Variants in AFF3 observed in about 807,000 individuals in gnomAD.
The protein encoded by AFF3 is ALF transcription elongation factor 3.
A neutral mutation model predicts 129.7 loss-of-function variants in AFF3; 32 were observed. That is an observed-to-expected ratio of 0.25 (90% CI 0.19 to 0.33). The LOEUF (loss-of-function observed/expected upper bound fraction) is 0.33. AFF3 is among the 10% of genes least tolerant of loss of function. The probability of loss-of-function intolerance (pLI) is 1.00; values close to 1 mark genes in which losing one functional copy is unlikely to be tolerated. For synonymous variants in AFF3, 644 were observed against 635.4 expected (o/e 1.01, Z -0.20); for missense variants, 1,373 against 1,592.0 (o/e 0.86, Z 2.34).
At chr2:99,574,375 G>A (rs1479409488) in intron 18 of AFF3, among the ~76,000 whole-genome samples, 1 of 152,186 alleles carries the variant, frequency 6.6e-6, no homozygotes, top group Non-Finnish European at 1.5e-5. Context: ...TCTCAGTTCT[G>A]TCTGTATCCC....
intron 4 of AFF3, among the ~76,000 whole-genome samples, chr2:100,057,436 A>C (rs1686895100): frequency 6.6e-6 from 1 of 152,096 alleles, no homozygotes; most frequent in Non-Finnish European, 1.5e-5. Context: ...CTCTCAGCTC[A>C]ACTCACTGGA....
chr2:99,660,669 T>G (rs576185676), intron 12 of AFF3, among the ~76,000 whole-genome samples: 1 of 152,360 alleles, frequency 6.6e-6, no homozygotes, highest in African/African-American at 2.4e-5. Flanking sequence ...ATAATGTGAA[T>G]CAGATCTCTC....
intron 7 of AFF3, among the ~76,000 whole-genome samples, chr2:99,941,645 TG>T (rs945770617): frequency 1.3e-4 from 20 of 152,236 alleles, no homozygotes; most frequent in African/African-American, 4.8e-4. Context: ...AAGCTCTATC[TG>T]GGGGCTTCTT....
At chr2:99,643,304 C>T (rs540074463) in intron 13 of AFF3, among the ~76,000 whole-genome samples, 203 of 152,126 alleles carry the variant, frequency 1.3e-3, no homozygotes, top group African/African-American at 4.6e-3. Context: ...GTGATCCGCC[C>T]GCCTTGGCCT....
intron 12 of AFF3, among the ~76,000 whole-genome samples, chr2:99,662,046 A>G (rs1313209375): frequency 6.6e-6 from 1 of 152,134 alleles, no homozygotes; most frequent in Non-Finnish European, 1.5e-5. Flanking sequence ...AGGCTGAGGC[A>G]GGAGAATCGC....
chr2:99,809,662 C>G (rs1019958560), intron 8 of AFF3, among the ~76,000 whole-genome samples: 4 of 152,080 alleles, frequency 2.6e-5, no homozygotes, highest in African/African-American at 9.7e-5. Flanking sequence ...CCATGGAGCA[C>G]AAGTAAGGAG....
At chr2:99,587,024 G>A in intron 16 of AFF3, 130 bp downstream of exon 16, 1 of 1,260,374 alleles carries the variant, frequency 7.9e-7, no homozygotes, top group South Asian at 1.4e-5. Flanking sequence ...TGGGTTAAAG[G>A]AGGGAAGCAA....
intron 8 of AFF3, among the ~76,000 whole-genome samples, chr2:99,822,036 T>A (rs796265238): frequency 1.2e-4 from 18 of 152,286 alleles, no homozygotes; most frequent in East Asian, 7.7e-4. Flanking sequence ...ATTGATATTT[T>A]AAAAAAATTA....
At chr2:99,846,446 CTT>C (rs1689733487) in intron 7 of AFF3, among the ~76,000 whole-genome samples, 2 of 152,212 alleles carry the variant, frequency 1.3e-5, no homozygotes, top group Admixed American at 1.3e-4. Context: ...TTTCCTGAAT[CTT>C]TATACAATTC....
intron 13 of AFF3, among the ~76,000 whole-genome samples, chr2:99,638,315 C>T (rs1244351668): frequency 6.6e-6 from 1 of 152,168 alleles, no homozygotes; most frequent in East Asian, 1.9e-4. Flanking sequence ...CCACCTCGAC[C>T]TCCCAAAGTG....
rs531847626 is a variant in AFF3 at position 99,796,473 on chromosome 2, T to C, written c.921+41004A>G. Reference sequence around the variant, plus strand: ...GACATCAAGCAACCAACAACTTAATTCCCAGGAAATGAAAAACTGATGAGG... The same window carrying C: ...GACATCAAGCAACCAACAACTTAATCCCCAGGAAATGAAAAACTGATGAGG... On this transcript the variant is annotated intron_variant, in intron 8 of 24. Transcript: ENST00000672756. 2.6e-5 allele frequency among the ~76,000 whole-genome samples: 4 copies of C among 152,242 alleles called. No homozygotes were observed. The South Asian group carries it at 6.2e-4, about 24-fold the overall frequency.
At chr2:99,793,709 CT>C (rs1218070177) in intron 8 of AFF3, among the ~76,000 whole-genome samples, 3 of 152,066 alleles carry the variant, frequency 2.0e-5, no homozygotes, top group Non-Finnish European at 4.4e-5. Context: ...TTTTATTGAT[CT>C]TTTCAAAGGA....
chr2:99,679,009 G>C (rs7557598), intron 11 of AFF3, among the ~76,000 whole-genome samples: 91,524 of 152,122 alleles, frequency 0.6, 28,555 homozygotes, highest in African/African-American at 0.77. Context: ...TGGGAACAGG[G>C]AAGGCTAGCA....
chr2:99,751,771 T>G (rs1470976563), intron 9 of AFF3, among the ~76,000 whole-genome samples: 1 of 152,230 alleles, frequency 6.6e-6, no homozygotes, highest in African/African-American at 2.4e-5. Flanking sequence ...TATCTTTTTT[T>G]AAGTCCTAGA....
At chr2:99,987,681 T>C (rs939242350) in intron 7 of AFF3, among the ~76,000 whole-genome samples, 10 of 152,218 alleles carry the variant, frequency 6.6e-5, no homozygotes, top group African/African-American at 2.2e-4. Context: ...TTACAGTGTG[T>C]ACACTCTCCT....
intron 18 of AFF3, among the ~76,000 whole-genome samples, chr2:99,574,982 A>T (rs562097994): frequency 6.6e-6 from 1 of 152,162 alleles, no homozygotes; most frequent in South Asian, 2.1e-4. Context: ...GCTGGCACAG[A>T]ATGGAGGTGG....
At chr2:99,942,545 G>A (rs1675150745) in intron 7 of AFF3, among the ~76,000 whole-genome samples, 1 of 133,962 alleles carries the variant, frequency 7.5e-6, no homozygotes, top group South Asian at 2.9e-4. Flanking sequence ...TGGGGGGAGG[G>A]GCGGGGGGGG....
intron 7 of AFF3, among the ~76,000 whole-genome samples, chr2:99,845,632 ATACT>A (rs1689662332): frequency 1.3e-5 from 2 of 152,172 alleles, no homozygotes; most frequent in African/African-American, 4.8e-5. Flanking sequence ...ATTGATAAGA[ATACT>A]TTAAGATTTC....
chr2:99,651,483 C>T (rs1264643487), intron 12 of AFF3, among the ~76,000 whole-genome samples: 2 of 151,838 alleles, frequency 1.3e-5, no homozygotes, highest in South Asian at 2.1e-4. Flanking sequence ...TCTTTGTCAC[C>T]CAGGCTGGAG....
Sources: allele counts gnomAD v4.1 joint callset (sites outside exome capture counted in the v4.1 genomes callset), GRCh38; gene constraint gnomAD v4.1.1; transcripts MANE v1.5; gene names NCBI Gene and HGNC (gene_info 2026-07-23, HGNC 2026-07-21).